PCDHGA7: variants seen among roughly 807,000 people sequenced by gnomAD.
PCDHGA7 encodes the protein protocadherin gamma-A7.
In PCDHGA7, 44 loss-of-function variants were observed where a neutral mutation model predicts 58.3. The ratio of observed to expected loss-of-function variants is 0.75; its 90% confidence interval spans 0.59 to 0.97. The LOEUF (loss-of-function observed/expected upper bound fraction) is 0.97, where lower values mean the gene tolerates loss of function less well. Ranked by LOEUF, PCDHGA7 falls within the 50% of genes least tolerant of loss-of-function variation. The pLI is 0.00. For synonymous variants in PCDHGA7, 516 were observed against 504.2 expected, an observed-to-expected ratio of 1.02 and a Z score of -0.31; for missense variants, 1,266 against 1,188.7, an observed-to-expected ratio of 1.06 and a Z score of -0.96.
At chr5:141,408,608 A>C in intron 1 of PCDHGA7, 1 of 1,614,072 alleles carries the variant, frequency 6.2e-7, no homozygotes, top group South Asian at 1.1e-5. Context: ...ATTTGATAAA[A>C]AGGAAATACA....
chr5:141,497,312 G>A (rs940721317), intron 2 of PCDHGA7, among the ~76,000 whole-genome samples: 7 of 152,038 alleles, frequency 4.6e-5, no homozygotes, highest in African/African-American at 1.7e-4. Flanking sequence ...CCATACACTG[G>A]CTTTGAAGCA....
At position 141,457,041 on chromosome 5, in the gene PCDHGA7, A is replaced by T. The variant is rs151212070; in HGVS notation, c.2425-37766A>T. On this transcript the variant is annotated intron_variant, in intron 1 of 3. Transcript: ENST00000518325. ...AAGTCCTAGTAGACTCAGTGATAGT[A>T]AAACTTTCATGCTTCCTTTTTGCCA... 2.3e-4 allele frequency among the ~76,000 whole-genome samples: 35 copies of T among 152,360 alleles called. No individual in the cohort carries two copies. In the East Asian group the frequency reaches 6.4e-3, roughly 28 times the overall value.
At chr5:141,510,589 A>G (rs1043188276) in intron 3 of PCDHGA7, among the ~76,000 whole-genome samples, 2 of 152,194 alleles carry the variant, frequency 1.3e-5, no homozygotes, top group African/African-American at 2.4e-5. Context: ...CGTACCTGAC[A>G]TACATTTTCT....
intron 1 of PCDHGA7, chr5:141,430,941 A>G: frequency 6.2e-7 from 1 of 1,608,258 alleles, no homozygotes; most frequent in Non-Finnish European, 8.5e-7. Context: ...GAGCTCGCGG[A>G]GCGCGGAGTC....
rs71576115 is a variant in PCDHGA7 at position 141,463,438 on chromosome 5, C to CTTTT, written c.2425-31344_2425-31341dup. Among the ~76,000 whole-genome samples, 106 of 103,254 alleles carry CTTTT rather than the reference C, an allele frequency of 1.0e-3. 8 individuals are homozygous for CTTTT. Among genetic ancestry groups the CTTTT allele is most frequent in the African/African-American group, 3.9e-3 (88 of 22,404 alleles). The allele number at this position is 103,254 out of a possible 152,430, so 67.7% of individuals were successfully genotyped here. ...GTTTGCGGATCCTCATTTCCTTCTC[C>CTTTT]TTTTTTTTTTTTTTTTTTTTTTTTT... is the stretch of plus-strand genomic sequence containing the variant. On this transcript the variant is annotated intron_variant, in intron 1 of 3. Transcript: ENST00000518325.
chr5:141,405,418 T>C (rs2094662415), intron 1 of PCDHGA7: 1 of 1,508,444 alleles, frequency 6.6e-7, no homozygotes, highest in South Asian at 1.2e-5. Context: ...TTTTTTTGTT[T>C]TTTGTTTTGT....
chr5:141,490,380 T>A lies in PCDHGA7; in HGVS notation c.2425-4427T>A. On this transcript the variant is annotated intron_variant, in intron 1 of 3. Coordinates refer to ENST00000518325, the MANE Select transcript of PCDHGA7 (RefSeq NM_018920.4). The surrounding 1 kb of genome is among the most constrained non-coding windows in gnomAD (Gnocchi z 5.4). ...TTAATGTGCGAGACCGGGACTCAGG[T>A]AGAAATGGTGAAGTGAGCCTTGATA... 6.2e-7 allele frequency: 1 copy of A among 1,614,204 alleles called. No homozygotes were observed. The highest frequency in any genetic ancestry group is 1.7e-5 in the Admixed American group (1 of 60,026).
chr5:141,477,189 A>G lies in PCDHGA7; in HGVS notation c.2425-17618A>G, dbSNP rs377372902. ...CCGGAGATCACAGTCACCTCCGTGT[A>G]CAGCCCAGTACCCGAGGATGCCCCT... On this transcript the variant is annotated intron_variant, in intron 1 of 3. Coordinates refer to ENST00000518325, the MANE Select transcript of PCDHGA7 (RefSeq NM_018920.4). The surrounding 1 kb of genome is among the most constrained non-coding windows in gnomAD (Gnocchi z 4.9). 6.2e-7 allele frequency: 1 copy of G among 1,614,070 alleles called. No homozygotes were observed. The highest frequency in any genetic ancestry group is 8.5e-7 in the Non-Finnish European group (1 of 1,180,040).
intron 1 of PCDHGA7, among the ~76,000 whole-genome samples, chr5:141,470,181 A>G (rs974401154): frequency 3.9e-5 from 6 of 152,236 alleles, no homozygotes; most frequent in African/African-American, 9.6e-5. Flanking sequence ...AAAATATTCA[A>G]GTAAACTTCA....
At chr5:141,469,415 A>C (rs2099200751) in intron 1 of PCDHGA7, among the ~76,000 whole-genome samples, 1 of 152,116 alleles carries the variant, frequency 6.6e-6, no homozygotes, top group Admixed American at 6.5e-5. Flanking sequence ...TTTCTACTAA[A>C]AATATAAAAC....
intron 1 of PCDHGA7, among the ~76,000 whole-genome samples, chr5:141,474,926 C>T (rs756761848): frequency 1.3e-5 from 2 of 152,218 alleles, no homozygotes; most frequent in Non-Finnish European, 2.9e-5. Context: ...TCATCTCTGG[C>T]TTATATCACA....
In PCDHGA7 at chr5:141,476,065, G is replaced by T; in HGVS notation, c.2425-18742G>T. ...GCTAACCCGCTGAAAGTTTCTCAGC[G>T]AAATCTCAGGGACGATCTGGACCCC... is the stretch of plus-strand genomic sequence containing the variant. On this transcript the variant is annotated intron_variant, in intron 1 of 3. Coordinates refer to ENST00000518325, the MANE Select transcript of PCDHGA7 (RefSeq NM_018920.4). This position sits in a 1 kb window ranked among gnomAD's most constrained non-coding sequence, Gnocchi z 7.6. 6.6e-7 allele frequency: 1 copy of T among 1,511,444 alleles called. No homozygotes were observed. The highest frequency in any genetic ancestry group is 1.3e-5 in the South Asian group (1 of 76,164). The allele number at this position is 1,511,444 out of a possible 1,614,324, so 93.6% of individuals were successfully genotyped here.
intron 1 of PCDHGA7, chr5:141,414,145 C>T (rs1157390595): frequency 6.3e-7 from 1 of 1,597,566 alleles, no homozygotes; most frequent in Non-Finnish European, 8.5e-7. Context: ...AATAGAAATA[C>T]AAGCAGAAGA....
chr5:141,469,104 C>T (rs1046234848), intron 1 of PCDHGA7, among the ~76,000 whole-genome samples: 1 of 151,760 alleles, frequency 6.6e-6, no homozygotes, highest in Admixed American at 6.6e-5. Flanking sequence ...AAGCAAGAAC[C>T]TGTCTCTAAA....
chr5:141,393,584 A>G, intron 1 of PCDHGA7: 1 of 1,613,892 alleles, frequency 6.2e-7, no homozygotes, highest in African/African-American at 1.3e-5. Context: ...ACATGCCCCC[A>G]GGCACGCGGC....
chr5:141,483,811 C>A (rs1252197546), intron 1 of PCDHGA7, among the ~76,000 whole-genome samples: 1 of 152,102 alleles, frequency 6.6e-6, no homozygotes, highest in Non-Finnish European at 1.5e-5. Flanking sequence ...CTTTTTTTGG[C>A]AGCCAGTGTA....
chr5:141,503,077 TCTC>T (rs1212079220), intron 2 of PCDHGA7, among the ~76,000 whole-genome samples: 1 of 151,810 alleles, frequency 6.6e-6, no homozygotes, highest in African/African-American at 2.4e-5. Flanking sequence ...ATGGTCTCGA[TCTC>T]CTGACCTCGT....
chr5:141,488,837 C>A (rs550655328), intron 1 of PCDHGA7, among the ~76,000 whole-genome samples: 1 of 152,280 alleles, frequency 6.6e-6, no homozygotes, highest in African/African-American at 2.4e-5. Context: ...GCCAAGGGGG[C>A]TGAATCAACC....
At chr5:141,395,094 G>T (rs192995605) in intron 1 of PCDHGA7, 4 of 1,614,042 alleles carry the variant, frequency 2.5e-6, no homozygotes, top group Non-Finnish European at 3.4e-6. Flanking sequence ...CTCCCTCACC[G>T]CCGACTCGCG....
Sources: allele counts gnomAD v4.1 joint callset (sites outside exome capture counted in the v4.1 genomes callset), GRCh38; gene constraint gnomAD v4.1.1; non-coding constraint Gnocchi (gnomAD v3.1); transcripts MANE v1.5; gene names NCBI Gene and HGNC (gene_info 2026-07-23, HGNC 2026-07-21).